Variants in TENT5D observed in about 807,000 individuals in gnomAD.
TENT5D encodes the protein cancer/testis antigen 112.
For missense variants in TENT5D, 191 were observed against 287.0 expected, an observed-to-expected ratio of 0.67 and a Z score of 2.42; for synonymous variants, 103 against 100.6, an observed-to-expected ratio of 1.02 and a Z score of -0.15.
intron 1 of TENT5D, among the ~76,000 whole-genome samples, chrX:80,430,364 G>A (rs895376053): frequency 4.5e-5 from 5 of 111,248 alleles, no homozygotes; most frequent in East Asian, 5.6e-4. Flanking sequence ...CAGAGGAGCC[G>A]ATGATATGAC....
intron 3 of TENT5D, among the ~76,000 whole-genome samples, chrX:80,363,660 T>C (rs899573799): frequency 1.2e-4 from 14 of 112,245 alleles, no homozygotes; most frequent in Admixed American, 1.2e-3. Context: ...ATACTGTTCT[T>C]GTTTTACTCC....
At chrX:80,400,263 C>T (rs1415385729) in intron 3 of TENT5D, among the ~76,000 whole-genome samples, 1 of 111,903 alleles carries the variant, frequency 8.9e-6, no homozygotes, top group Non-Finnish European at 1.9e-5. Context: ...AACCATTTGC[C>T]TTCTGAATGT....
At chrX:80,351,966 A>C (rs762360691) in intron 3 of TENT5D, among the ~76,000 whole-genome samples, 1 of 111,836 alleles carries the variant, frequency 8.9e-6, no homozygotes. Context: ...CTTGGGTATC[A>C]CTAGTGGAGG....
At chrX:80,417,079 T>C (rs747321958), upstream of TENT5D, among the ~76,000 whole-genome samples, 2 of 111,699 alleles carry the variant, frequency 1.8e-5, no homozygotes, top group African/African-American at 6.5e-5. Context: ...TTTTTGACTT[T>C]TGTTGCTTTA....
chrX:80,383,560 A>G (rs1229771432), intron 3 of TENT5D, among the ~76,000 whole-genome samples: 3 of 112,513 alleles, frequency 2.7e-5, no homozygotes, highest in Non-Finnish European at 5.6e-5. Context: ...TCCCATTAAT[A>G]AACAGCAAAA....
intron 1 of TENT5D, among the ~76,000 whole-genome samples, chrX:80,430,205 T>A (rs1188415105): frequency 8.9e-6 from 1 of 111,863 alleles, no homozygotes; most frequent in Non-Finnish European, 1.9e-5. Flanking sequence ...TATATATTTA[T>A]TGGGGTCATT....
At chrX:80,361,046 C>G (rs1017787922) in intron 3 of TENT5D, among the ~76,000 whole-genome samples, 1 of 111,464 alleles carries the variant, frequency 9.0e-6, no homozygotes, top group East Asian at 2.8e-4. Flanking sequence ...TCCTTCCAAT[C>G]TAGTCTTTTT....
chrX:80,403,933 A>G (rs1435288790), intron 3 of TENT5D, among the ~76,000 whole-genome samples: 1 of 111,881 alleles, frequency 8.9e-6, no homozygotes, highest in Non-Finnish European at 1.9e-5. Context: ...TATACATTTT[A>G]GCAAGACATG....
At chrX:80,417,427 G>T (rs976100944), upstream of TENT5D, among the ~76,000 whole-genome samples, 1 of 103,165 alleles carries the variant, frequency 9.7e-6, no homozygotes, top group Non-Finnish European at 1.9e-5. Flanking sequence ...TGTATTTGTG[G>T]TGGCTGGTAA....
At chrX:80,374,757 T>C (rs898630894) in intron 3 of TENT5D, among the ~76,000 whole-genome samples, 17 of 111,453 alleles carry the variant, frequency 1.5e-4, no homozygotes, top group Non-Finnish European at 2.8e-4. Context: ...CATATAGATA[T>C]AGAGGTTGAG....
intron 3 of TENT5D, among the ~76,000 whole-genome samples, chrX:80,365,031 A>G (rs1276998364): frequency 9.0e-6 from 1 of 110,806 alleles, no homozygotes; most frequent in Admixed American, 9.7e-5. Context: ...CCTTCAGCCT[A>G]GCTTCACCTA....
At chrX:80,362,357 G>A (rs1602504262) in intron 3 of TENT5D, among the ~76,000 whole-genome samples, 1 of 110,820 alleles carries the variant, frequency 9.0e-6, no homozygotes, top group Non-Finnish European at 1.9e-5. Context: ...TAGAGACGAG[G>A]TTTCACCATG....
At chrX:80,337,799 G>T (rs1047082090) in intron 2 of TENT5D, among the ~76,000 whole-genome samples, 1 of 109,209 alleles carries the variant, frequency 9.2e-6, no homozygotes, top group African/African-American at 3.3e-5. Context: ...TTGGAGTCTC[G>T]CTCTGTTGCC....
chrX:80,411,493 A>G (rs778090126), intron 3 of TENT5D, among the ~76,000 whole-genome samples: 1 of 111,902 alleles, frequency 8.9e-6, no homozygotes, highest in African/African-American at 3.2e-5. Flanking sequence ...TTTCTCATAT[A>G]AAATTATTTT....
chrX:80,357,572 A>G (rs1172647603), intron 3 of TENT5D, among the ~76,000 whole-genome samples: 1 of 110,817 alleles, frequency 9.0e-6, no homozygotes, highest in Non-Finnish European at 1.9e-5. Context: ...TTTGAGAAGT[A>G]TCTGTTCATA....
chrX:80,344,202 A>T (rs1332679064), intron 3 of TENT5D, among the ~76,000 whole-genome samples: 1 of 110,049 alleles, frequency 9.1e-6, no homozygotes, highest in Admixed American at 9.8e-5. Context: ...TCCGCCGTTG[A>T]TGGGTACCTG....
At chrX:80,434,456 TAA>T (rs942079663) in intron 1 of TENT5D, among the ~76,000 whole-genome samples, 6 of 111,519 alleles carry the variant, frequency 5.4e-5, no homozygotes, top group African/African-American at 2.0e-4. Flanking sequence ...TAAATATAAT[TAA>T]AGACATTTTT....
At chrX:80,411,651 ATTTC>A (rs1931669801) in intron 3 of TENT5D, among the ~76,000 whole-genome samples, 1 of 112,200 alleles carries the variant, frequency 8.9e-6, no homozygotes, top group Non-Finnish European at 1.9e-5. Flanking sequence ...ATAAGAACAC[ATTTC>A]TTTTTTTCAG....
chrX:80,379,479 G>A (rs1368051936), intron 3 of TENT5D, among the ~76,000 whole-genome samples: 1 of 111,064 alleles, frequency 9.0e-6, no homozygotes, highest in African/African-American at 3.3e-5. Context: ...AGTTAGGGAG[G>A]ATTCCCTCTT....
Sources: allele counts gnomAD v4.1 joint callset (sites outside exome capture counted in the v4.1 genomes callset), GRCh38; gene constraint gnomAD v4.1.1; transcripts MANE v1.5; gene names NCBI Gene and HGNC (gene_info 2026-07-23, HGNC 2026-07-21).